The following SNX18 variants were observed in gnomAD, a reference collection of about 807,000 sequenced individuals.
SNX18 encodes sorting nexin-18.
Under a neutral mutation model 48.7 loss-of-function variants are expected in SNX18, and 35 were observed. The observed-to-expected ratio is 0.72, with a 90% CI of 0.55 to 0.95. The LOEUF (loss-of-function observed/expected upper bound fraction) is 0.95, where lower values mean the gene tolerates loss of function less well. Ranked by LOEUF, SNX18 falls within the 40% of genes least tolerant of loss-of-function variation. SNX18 has a pLI of 0.00. For missense variants in SNX18, 824 were observed against 871.0 expected, an observed-to-expected ratio of 0.95 and a Z score of 0.68; for synonymous variants, 492 against 384.7, an observed-to-expected ratio of 1.28 and a Z score of -3.26.
At chr5:54,524,227 A>T (rs964424255) in intron 1 of SNX18, among the ~76,000 whole-genome samples, 2 of 152,210 alleles carry the variant, frequency 1.3e-5, no homozygotes, top group Admixed American at 6.5e-5. Context: ...TGGTTAAAAT[A>T]TAAATGTGAC....
rs1285534143 is a variant in SNX18, at chr5:54,517,942, G to A, written c.-11G>A. 1.3e-6 allele frequency: 2 copies of A among 1,500,932 alleles called. No individual in the cohort carries two copies. The highest frequency in any genetic ancestry group is 1.2e-5 in the South Asian group (1 of 80,618). 93.0% of individuals were successfully genotyped at this position (1,500,932 alleles called of 1,614,324 possible). On this transcript the variant is annotated 5_prime_UTR_variant, in exon 1 of 2. Transcript: ENST00000381410. ...CCGGGAGTCGGGACCGCCAGTCGGG[G>A]CGCCGGGACCATGGCGCTGCGCGCC...
At chr5:54,614,870 C>T in the SNX18 span, among the ~76,000 whole-genome samples, 7 of 152,168 alleles carry the variant, frequency 4.6e-5, no homozygotes, top group Admixed American at 6.5e-5. Context: ...CAGGTACTGT[C>T]TTAAGCACTA....
the SNX18 span, among the ~76,000 whole-genome samples, chr5:54,619,249 G>A: frequency 0.036 from 5,445 of 152,228 alleles, 268 homozygotes; most frequent in African/African-American, 0.11. Context: ...AGTGGCTCAC[G>A]CCTATAATCC....
At chr5:54,582,810 A>G in the SNX18 span, among the ~76,000 whole-genome samples, 7,953 of 152,246 alleles carry the variant, frequency 0.052, 268 homozygotes, top group Non-Finnish European at 0.081. Context: ...TGAAAAAAAA[A>G]GAAAAGTTAA....
At chr5:54,607,406 C>A in the SNX18 span, among the ~76,000 whole-genome samples, 6 of 151,936 alleles carry the variant, frequency 3.9e-5, no homozygotes, top group Non-Finnish European at 8.8e-5. Flanking sequence ...TCATTATGTG[C>A]GTAATAAACC....
chr5:54,627,704 GCC>G, the SNX18 span, among the ~76,000 whole-genome samples: 2 of 152,204 alleles, frequency 1.3e-5, no homozygotes, highest in Middle Eastern at 3.4e-3. Flanking sequence ...GCAGATTCCA[GCC>G]CATGCTCCCA....
the SNX18 span, among the ~76,000 whole-genome samples, chr5:54,552,763 C>T: frequency 3.9e-5 from 6 of 152,002 alleles, no homozygotes; most frequent in East Asian, 1.9e-4. Flanking sequence ...AATTTACTTT[C>T]TAGCTAGTAG....
intron 1 of SNX18, among the ~76,000 whole-genome samples, chr5:54,528,987 A>G (rs1580099500): frequency 6.6e-6 from 1 of 152,162 alleles, no homozygotes; most frequent in African/African-American, 2.4e-5. Flanking sequence ...CATGCTTTTG[A>G]TGTGCTGCTG....
At chr5:54,591,994 C>A in the SNX18 span, among the ~76,000 whole-genome samples, 1 of 152,180 alleles carries the variant, frequency 6.6e-6, no homozygotes, top group Non-Finnish European at 1.5e-5. Context: ...TTACTCTGTC[C>A]ATATTTCAAT....
At chr5:54,647,400 C>T in the SNX18 span, among the ~76,000 whole-genome samples, 1 of 152,092 alleles carries the variant, frequency 6.6e-6, no homozygotes, top group Non-Finnish European at 1.5e-5. Context: ...TTTTCTTTAA[C>T]GAGTGATGCT....
intron 1 of SNX18, among the ~76,000 whole-genome samples, chr5:54,524,439 A>G (rs920321701): frequency 1.3e-5 from 2 of 152,176 alleles, no homozygotes; most frequent in African/African-American, 4.8e-5. Context: ...TTGTTCAGCA[A>G]TGTTGTCCTG....
the SNX18 span, among the ~76,000 whole-genome samples, chr5:54,577,573 T>G: frequency 6.6e-6 from 1 of 152,088 alleles, no homozygotes; most frequent in East Asian, 1.9e-4. Flanking sequence ...CATAGCTGGT[T>G]TATGGCAGAG....
intron 1 of SNX18, among the ~76,000 whole-genome samples, chr5:54,524,316 T>G (rs1356071888): frequency 2.6e-5 from 4 of 152,124 alleles, no homozygotes; most frequent in Non-Finnish European, 5.9e-5. Context: ...TCAGACTTCT[T>G]TTTTGAGCCA....
chr5:54,562,127 G>T, the SNX18 span, among the ~76,000 whole-genome samples: 1 of 152,210 alleles, frequency 6.6e-6, no homozygotes, highest in African/African-American at 2.4e-5. Context: ...CACAGCCTTC[G>T]TTAGCTCTTT....
At chr5:54,603,144 T>C in the SNX18 span, among the ~76,000 whole-genome samples, 2 of 150,824 alleles carry the variant, frequency 1.3e-5, no homozygotes, top group African/African-American at 4.9e-5. Context: ...ATTTATTTCA[T>C]ATAATGTAGG....
intron 1 of SNX18, among the ~76,000 whole-genome samples, chr5:54,542,256 G>T (rs759189287): frequency 6.6e-6 from 1 of 152,094 alleles, no homozygotes; most frequent in Admixed American, 6.5e-5. Flanking sequence ...GAGGGCCTGC[G>T]TTCGTATGGC....
At chr5:54,593,821 T>C in the SNX18 span, among the ~76,000 whole-genome samples, 51,152 of 152,136 alleles carry the variant, frequency 0.34, 9,827 homozygotes, top group Non-Finnish European at 0.42. Flanking sequence ...GTAGAAACAA[T>C]TGGATATCTA....
the SNX18 span, among the ~76,000 whole-genome samples, chr5:54,560,239 G>A: frequency 1.3e-5 from 2 of 152,184 alleles, no homozygotes; most frequent in African/African-American, 4.8e-5. Context: ...ATGCCCATCA[G>A]TGGTGGACTG....
At chr5:54,640,822 G>T in the SNX18 span, among the ~76,000 whole-genome samples, 19,435 of 152,022 alleles carry the variant, frequency 0.13, 1,687 homozygotes, top group Non-Finnish European at 0.19. Context: ...CACTTTGGGA[G>T]GCCGAGGTGG....
Sources: gnomAD v4.1 joint callset for allele counts (sites outside exome capture counted in the v4.1 genomes callset) on GRCh38, gnomAD v4.1.1 for gene constraint, MANE v1.5 for transcripts, NCBI Gene and HGNC (gene_info 2026-07-23, HGNC 2026-07-21) for gene names.